The following POLR3B variants were observed in gnomAD, a reference collection of about 807,000 sequenced individuals.
POLR3B encodes RNA polymerase III subunit B.
POLR3B carries 96 observed loss-of-function variants against 147.4 expected under a neutral mutation model. The ratio of observed to expected loss-of-function variants is 0.65; its 90% CI spans 0.55 to 0.77. The LOEUF (loss-of-function observed/expected upper bound fraction) is 0.77. POLR3B is among the 30% of genes least tolerant of loss of function. The probability of loss-of-function intolerance (pLI) is 0.00; values close to 1 mark genes in which losing one functional copy is unlikely to be tolerated. For missense variants in POLR3B, 1,036 were observed against 1,413.5 expected, an observed-to-expected ratio of 0.73 and a Z score of 4.28; for synonymous variants, 461 against 485.9, an observed-to-expected ratio of 0.95 and a Z score of 0.67.
chr12:106,451,006 A>T lies in POLR3B; in HGVS notation c.2084-3496A>T, dbSNP rs145806157. 2.8e-3 allele frequency among the ~76,000 whole-genome samples: 434 copies of T among 152,328 alleles called. 4 individuals carry two copies. Among genetic ancestry groups the T allele is most frequent in the African/African-American group, 9.9e-3 (410 of 41,580 alleles). On this transcript the variant is annotated intron_variant, in intron 19 of 27. Transcript: ENST00000228347. ...ATTTATACAATACTAAGCCATAAAA[A>T]GAATGAAGCATAATATTCAACCATA...
At chr12:106,443,440 CG>C (rs2037679515) in intron 18 of POLR3B, among the ~76,000 whole-genome samples, 1 of 151,912 alleles carries the variant, frequency 6.6e-6, no homozygotes. Flanking sequence ...CACACTAGCC[CG>C]GCATTTCAAG....
chr12:106,403,669 A>T (rs1181931904), intron 10 of POLR3B, among the ~76,000 whole-genome samples: 2 of 152,086 alleles, frequency 1.3e-5, no homozygotes, highest in African/African-American at 4.8e-5. Flanking sequence ...AGGGACATGG[A>T]TGAAGCTGGA....
chr12:106,462,301 G>A (rs1270840510), intron 22 of POLR3B, among the ~76,000 whole-genome samples: 1 of 152,172 alleles, frequency 6.6e-6, no homozygotes, highest in Non-Finnish European at 1.5e-5. Flanking sequence ...AGGCTGGAGT[G>A]CAGTGGCACG....
chr12:106,463,936 CT>C lies in POLR3B; in HGVS notation c.2713+327del, dbSNP rs112710786. Reference sequence around the variant, plus strand: ...CTGTTCAAAAAATAAATAGTAGTACCTTTTTTTTTTTCTGAAAGATACATCT... The same window carrying C: ...CTGTTCAAAAAATAAATAGTAGTACCTTTTTTTTTTCTGAAAGATACATCT... On this transcript the variant is annotated intron_variant, in intron 23 of 27. Coordinates refer to ENST00000228347, the MANE Select transcript of POLR3B (RefSeq NM_018082.6). 0.08 allele frequency among the ~76,000 whole-genome samples: 11,779 copies of C among 146,786 alleles called. 1,500 individuals are homozygous for C. Among genetic ancestry groups the C allele is most frequent in the African/African-American group, 0.27 (11,020 of 40,548 alleles).
At chr12:106,486,632 G>A (rs1008111851) in intron 23 of POLR3B, among the ~76,000 whole-genome samples, 2 of 152,144 alleles carry the variant, frequency 1.3e-5, no homozygotes, top group Admixed American at 1.3e-4. Flanking sequence ...CAGCTTTACA[G>A]CTGCCACAAA....
intron 6 of POLR3B, among the ~76,000 whole-genome samples, chr12:106,372,546 G>C (rs2036622630): frequency 6.6e-6 from 1 of 151,802 alleles, no homozygotes; most frequent in South Asian, 2.1e-4. Flanking sequence ...TCACCACGTT[G>C]GCCAGGCTGG....
chr12:106,445,620 A>G (rs1255945648), intron 19 of POLR3B, among the ~76,000 whole-genome samples: 2 of 152,234 alleles, frequency 1.3e-5, no homozygotes, highest in African/African-American at 4.8e-5. Flanking sequence ...TTACTTATAA[A>G]GCTTTTTGAA....
chr12:106,401,674 A>G lies in POLR3B; in HGVS notation c.847-4183A>G, dbSNP rs992917833. Among the ~76,000 whole-genome samples, 18 of 152,182 alleles carry G rather than the reference A, an allele frequency of 1.2e-4. 1 individual carries two copies. Among genetic ancestry groups the G allele is most frequent in the Admixed American group, 6.5e-4 (10 of 15,268 alleles). The stretch of plus-strand genomic sequence containing the variant: ...TGGTTCAACATACACAAATCAATAA[A>G]TGTAATCCAGCATATAAACAGAACC... On this transcript the variant is annotated intron_variant, in intron 10 of 27. Transcript: ENST00000228347.
intron 4 of POLR3B, among the ~76,000 whole-genome samples, chr12:106,367,554 T>G (rs964540405): frequency 6.6e-6 from 1 of 152,218 alleles, no homozygotes; most frequent in Non-Finnish European, 1.5e-5. Context: ...AACAATCTAG[T>G]CAGTATTTGT....
At chr12:106,500,070 T>C (rs1300090101) in intron 25 of POLR3B, 4 of 456,016 alleles carry the variant, frequency 8.8e-6, no homozygotes, top group Admixed American at 2.3e-5. Context: ...CCAGTTCTTA[T>C]CTGACCTGTC....
At chr12:106,495,664 G>T (rs1171750655) in intron 23 of POLR3B, among the ~76,000 whole-genome samples, 1 of 152,212 alleles carries the variant, frequency 6.6e-6, no homozygotes, top group Non-Finnish European at 1.5e-5. Flanking sequence ...TAACTTGGGT[G>T]TAGAACCCAG....
rs765299949 is a variant in POLR3B at position 106,509,712 on chromosome 12, T to A, written c.*163T>A. 1.6e-6 allele frequency: 1 copy of A among 617,846 alleles called. No homozygotes were observed. Among genetic ancestry groups the A allele is most frequent in the Non-Finnish European group, 2.8e-6 (1 of 352,114 alleles). 38.3% of individuals were successfully genotyped at this position (617,846 alleles called of 1,614,324 possible). ...AGAGGCTTTTTATATACTCTAAGAC[T>A]GGCTAAACAACCTTGATCATTGAGC... On this transcript the variant is annotated 3_prime_UTR_variant, in exon 28 of 28. Coordinates refer to ENST00000228347, the MANE Select transcript of POLR3B (RefSeq NM_018082.6).
chr12:106,432,502 G>C, intron 15 of POLR3B, 22 bp downstream of exon 15: 1 of 1,591,792 alleles, frequency 6.3e-7, no homozygotes, highest in Non-Finnish European at 8.6e-7. Flanking sequence ...ATAGAGACAT[G>C]TTGGTCCTAG....
chr12:106,412,986 CTTG>C (rs748285824), intron 12 of POLR3B, among the ~76,000 whole-genome samples: 10 of 151,908 alleles, frequency 6.6e-5, no homozygotes, highest in South Asian at 4.2e-4. Flanking sequence ...AATTTTTTTT[CTTG>C]TTGTTGTTGA....
chr12:106,399,890 G>T (rs1410454631), intron 10 of POLR3B, among the ~76,000 whole-genome samples: 2 of 152,190 alleles, frequency 1.3e-5, no homozygotes, highest in Non-Finnish European at 2.9e-5. Flanking sequence ...ATGCCAAATT[G>T]TAAAGACTGT....
At chr12:106,500,081 G>A (rs1352852511) in intron 25 of POLR3B, 6 of 455,752 alleles carry the variant, frequency 1.3e-5, no homozygotes, top group African/African-American at 4.0e-5. Flanking sequence ...CTGACCTGTC[G>A]GGCGCTCTGT....
intron 22 of POLR3B, 64 bp downstream of exon 22, chr12:106,459,432 A>C: frequency 1.1e-6 from 1 of 915,498 alleles, no homozygotes; most frequent in Non-Finnish European, 1.8e-6. Flanking sequence ...AATGGGAGAA[A>C]TTCGAAGTTA....
intron 12 of POLR3B, among the ~76,000 whole-genome samples, chr12:106,414,469 T>C (rs2037274484): frequency 6.6e-6 from 1 of 152,128 alleles, no homozygotes; most frequent in African/African-American, 2.4e-5. Context: ...CTGGAACTTC[T>C]AAGTCTTCTT....
chr12:106,383,706 G>A lies in POLR3B; in HGVS notation c.723+3567G>A, dbSNP rs146627453. Among the ~76,000 whole-genome samples, 1,203 of 152,236 alleles carry A rather than the reference G, an allele frequency of 7.9e-3. 17 individuals carry two copies. Among genetic ancestry groups the A allele is most frequent in the Non-Finnish European group, 0.011 (754 of 68,016 alleles). On this transcript the variant is annotated intron_variant, in intron 9 of 27. Transcript: ENST00000228347. ...GTCAAAGAACACTGATTGGCCGGGC[G>A]CAATAGCTCACGCCTATAATCCCAG...
Sources: gnomAD v4.1 joint callset for allele counts (sites outside exome capture counted in the v4.1 genomes callset) on GRCh38, gnomAD v4.1.1 for gene constraint, MANE v1.5 for transcripts, NCBI Gene and HGNC (gene_info 2026-07-23, HGNC 2026-07-21) for gene names.